Variants in GALNT13 observed in about 807,000 individuals in gnomAD.
The protein encoded by GALNT13 is polypeptide N-acetylgalactosaminyltransferase 13, also known as UDP-GalNAc:polypeptide N-acetylgalactosaminyltransferase 13.
GALNT13 carries 28 observed loss-of-function variants against 64.2 expected under a neutral mutation model. The observed-to-expected ratio is 0.44, with a 90% confidence interval of 0.32 to 0.60. The LOEUF is 0.60. GALNT13 is among the 20% of genes least tolerant of loss of function. The probability of loss-of-function intolerance (pLI) is 0.05; values close to 1 mark genes in which losing one functional copy is unlikely to be tolerated. For synonymous variants in GALNT13, 214 were observed against 224.6 expected, an observed-to-expected ratio of 0.95 and a Z score of 0.42; for missense variants, 577 against 669.8, an observed-to-expected ratio of 0.86 and a Z score of 1.53.
the GALNT13 span, among the ~76,000 whole-genome samples, chr2:153,363,642 G>T: frequency 2.6e-5 from 4 of 152,084 alleles, no homozygotes; most frequent in African/African-American, 9.7e-5. Flanking sequence ...TAGAAGAAAT[G>T]GATAAATTCC....
At chr2:153,564,809 G>A in the GALNT13 span, among the ~76,000 whole-genome samples, 1 of 152,038 alleles carries the variant, frequency 6.6e-6, no homozygotes, top group African/African-American at 2.4e-5. Flanking sequence ...ACATTGTACT[G>A]CAAAAGTAAT....
chr2:153,746,022 G>T, the GALNT13 span, among the ~76,000 whole-genome samples: 1 of 152,112 alleles, frequency 6.6e-6, no homozygotes. Flanking sequence ...TAGAAAGTAC[G>T]TTTTTAAAGA....
At chr2:154,267,076 G>A (rs1691047633) in intron 8 of GALNT13, among the ~76,000 whole-genome samples, 1 of 151,982 alleles carries the variant, frequency 6.6e-6, no homozygotes, top group Non-Finnish European at 1.5e-5. Context: ...TAACAAATAT[G>A]CAAAGGCTGT....
chr2:153,174,167 G>A, the GALNT13 span, among the ~76,000 whole-genome samples: 6 of 152,166 alleles, frequency 3.9e-5, no homozygotes, highest in Admixed American at 3.3e-4. Context: ...TGTACCCTCC[G>A]AGTCCATGGT....
At chr2:153,877,003 AAC>A (rs935938870) in intron 1 of GALNT13, among the ~76,000 whole-genome samples, 4 of 152,128 alleles carry the variant, frequency 2.6e-5, no homozygotes, top group Non-Finnish European at 5.9e-5. Context: ...AATGAACTCA[AAC>A]ACAATTCAAA....
chr2:153,371,404 G>A, the GALNT13 span, among the ~76,000 whole-genome samples: 4 of 152,082 alleles, frequency 2.6e-5, no homozygotes, highest in African/African-American at 9.7e-5. Flanking sequence ...ATATGACATG[G>A]TTGTCTGCAT....
At chr2:153,858,878 GC>G in the GALNT13 span, among the ~76,000 whole-genome samples, 1 of 151,992 alleles carries the variant, frequency 6.6e-6, no homozygotes, top group African/African-American at 2.4e-5. Context: ...GATTACAGGT[GC>G]CTGCCACCAT....
the GALNT13 span, among the ~76,000 whole-genome samples, chr2:153,472,156 G>A: frequency 6.6e-6 from 1 of 152,056 alleles, no homozygotes; most frequent in Non-Finnish European, 1.5e-5. Flanking sequence ...CTGGAGTCTT[G>A]GTCTGATAAA....
At chr2:153,145,139 GA>G in the GALNT13 span, among the ~76,000 whole-genome samples, 1 of 151,832 alleles carries the variant, frequency 6.6e-6, no homozygotes. Context: ...TCCTATCTAT[GA>G]AAAAATTTGT....
At chr2:154,049,396 A>G (rs971793018) in intron 3 of GALNT13, among the ~76,000 whole-genome samples, 10 of 148,262 alleles carry the variant, frequency 6.7e-5, no homozygotes, top group Non-Finnish European at 1.2e-4. Context: ...ATAATGATAT[A>G]TAAAGATATA....
At chr2:153,924,843 C>T (rs557745005) in intron 2 of GALNT13, among the ~76,000 whole-genome samples, 2 of 152,000 alleles carry the variant, frequency 1.3e-5, no homozygotes, top group South Asian at 2.1e-4. Context: ...GTTTGTTGGC[C>T]ACATGTATGT....
At chr2:154,339,589 A>G (rs777889791) in intron 9 of GALNT13, among the ~76,000 whole-genome samples, 2 of 152,182 alleles carry the variant, frequency 1.3e-5, no homozygotes, top group African/African-American at 2.4e-5. Context: ...TTAAATGAAC[A>G]TAAGGAATAG....
intron 4 of GALNT13, among the ~76,000 whole-genome samples, chr2:154,201,441 T>C (rs1687163627): frequency 6.6e-6 from 1 of 152,118 alleles, no homozygotes; most frequent in African/African-American, 2.4e-5. Flanking sequence ...AATACTGTCT[T>C]ATACCTATTA....
chr2:153,307,587 G>A, the GALNT13 span, among the ~76,000 whole-genome samples: 4 of 151,814 alleles, frequency 2.6e-5, no homozygotes, highest in Non-Finnish European at 4.4e-5. Flanking sequence ...ATAAAATATG[G>A]AAGTAATATT....
chr2:153,909,401 T>C (rs2105311689), intron 2 of GALNT13, among the ~76,000 whole-genome samples: 1 of 152,266 alleles, frequency 6.6e-6, no homozygotes, highest in East Asian at 1.9e-4. Context: ...TTTGACTCCC[T>C]TTCTTTCTGT....
the GALNT13 span, among the ~76,000 whole-genome samples, chr2:153,345,515 A>C: frequency 6.6e-6 from 1 of 152,156 alleles, no homozygotes; most frequent in South Asian, 2.1e-4. Flanking sequence ...GAGATAGAGT[A>C]TGAAATGACT....
chr2:153,284,691 T>TA, the GALNT13 span, among the ~76,000 whole-genome samples: 4 of 152,134 alleles, frequency 2.6e-5, no homozygotes, highest in African/African-American at 9.7e-5. Context: ...TCCGGGGGAA[T>TA]CACTCACTTT....
chr2:154,025,173 T>G (rs1417337459), intron 3 of GALNT13, among the ~76,000 whole-genome samples: 1 of 152,154 alleles, frequency 6.6e-6, no homozygotes, highest in East Asian at 1.9e-4. Context: ...CTGCCCATTC[T>G]CAGATCTCAA....
chr2:153,897,599 T>C (rs1558840896), intron 1 of GALNT13, among the ~76,000 whole-genome samples: 2 of 152,146 alleles, frequency 1.3e-5, no homozygotes, highest in Admixed American at 6.6e-5. Flanking sequence ...ACTTTTAGAC[T>C]GGAAATACCA....
Sources: gnomAD v4.1 joint callset for allele counts (sites outside exome capture counted in the v4.1 genomes callset) on GRCh38, gnomAD v4.1.1 for gene constraint, MANE v1.5 for transcripts, NCBI Gene and HGNC (gene_info 2026-07-23, HGNC 2026-07-21) for gene names.